ZHX2: variants seen among roughly 807,000 people sequenced by gnomAD.
ZHX2 encodes the protein zinc fingers and homeoboxes 2.
In ZHX2, 6 loss-of-function variants were observed where a neutral mutation model predicts 21.9. The observed-to-expected ratio is 0.27, with a 90% CI of 0.15 to 0.54. The LOEUF (loss-of-function observed/expected upper bound fraction) is 0.54. Ranked by LOEUF, ZHX2 falls within the 20% of genes least tolerant of loss-of-function variation. The pLI is 0.95. For synonymous variants in ZHX2, 434 were observed against 437.1 expected (o/e 0.99, Z 0.09); for missense variants, 908 against 1,090.7 (o/e 0.83, Z 2.36).
At chr8:122,787,470 AAG>A (rs1325330195) in intron 1 of ZHX2, among the ~76,000 whole-genome samples, 1 of 152,206 alleles carries the variant, frequency 6.6e-6, no homozygotes, top group East Asian at 1.9e-4. Context: ...ACTGTGGTGT[AAG>A]AGATTTGTGA....
At chr8:122,879,573 T>C (rs980651813) in intron 2 of ZHX2, among the ~76,000 whole-genome samples, 3 of 150,094 alleles carry the variant, frequency 2.0e-5, no homozygotes, top group African/African-American at 7.6e-5. Flanking sequence ...TATTTCATAC[T>C]TGATATCTTC....
intron 1 of ZHX2, chr8:122,812,025 T>A (rs1161024871): frequency 6.6e-6 from 1 of 152,096 alleles, no homozygotes; most frequent in African/African-American, 2.4e-5. Context: ...TCATGATAAG[T>A]AAGGAAATCA....
chr8:122,832,639 T>C (rs1024051297), intron 1 of ZHX2, among the ~76,000 whole-genome samples: 1 of 152,062 alleles, frequency 6.6e-6, no homozygotes, highest in African/African-American at 2.4e-5. Flanking sequence ...AGTATAACGG[T>C]TTGGCAAGTA....
At chr8:122,831,393 G>A (rs972580439) in intron 1 of ZHX2, among the ~76,000 whole-genome samples, 3 of 152,204 alleles carry the variant, frequency 2.0e-5, no homozygotes, top group Non-Finnish European at 2.9e-5. Flanking sequence ...GGGCGGAGAC[G>A]TTACAGGAGA....
rs539687930 is a variant in ZHX2, at chr8:122,782,809, C to G, written c.-283+863C>G. 2.0e-5 allele frequency among the ~76,000 whole-genome samples: 3 copies of G among 152,316 alleles called. No homozygotes were observed. In the South Asian group the frequency reaches 6.2e-4, roughly 32 times the overall value. ...TGGCCGGAGCCTCTGCCAGCCCGAG[C>G]CCACGTTCGCCCCCCTGAACGGCAG... On this transcript the variant is annotated intron_variant, in intron 1 of 3. Transcript: ENST00000314393. This position sits in a 1 kb window ranked among gnomAD's most constrained non-coding sequence, Gnocchi z 5.3.
chr8:122,834,399 G>A (rs114309848), intron 1 of ZHX2, among the ~76,000 whole-genome samples: 1,710 of 152,320 alleles, frequency 0.011, 24 homozygotes, highest in African/African-American at 0.038. Flanking sequence ...GGCCTGGTGC[G>A]CTTACCTGGG....
chr8:122,853,499 T>A (rs1167854267), intron 1 of ZHX2, among the ~76,000 whole-genome samples: 1 of 152,126 alleles, frequency 6.6e-6, no homozygotes, highest in Non-Finnish European at 1.5e-5. Flanking sequence ...TGTAAGACAA[T>A]GTCCAAATTC....
At chr8:122,909,178 C>G (rs961197367) in intron 2 of ZHX2, among the ~76,000 whole-genome samples, 1 of 152,118 alleles carries the variant, frequency 6.6e-6, no homozygotes, top group Non-Finnish European at 1.5e-5. Context: ...TGCCTGTAAT[C>G]CCAGCAGTTT....
intron 2 of ZHX2, among the ~76,000 whole-genome samples, chr8:122,890,307 A>G (rs1819946632): frequency 6.6e-6 from 1 of 152,100 alleles, no homozygotes; most frequent in Admixed American, 6.5e-5. Flanking sequence ...ATTCTGTTTC[A>G]TTGGTCTATA....
chr8:122,955,076 G>GT (rs1563605491), intron 3 of ZHX2, among the ~76,000 whole-genome samples: 2 of 95,594 alleles, frequency 2.1e-5, no homozygotes, highest in Non-Finnish European at 5.2e-5. Context: ...AGCCGGGGGG[G>GT]GGGGGGTGGC....
intron 1 of ZHX2, among the ~76,000 whole-genome samples, chr8:122,850,949 C>T (rs929851795): frequency 1.3e-5 from 2 of 152,130 alleles, no homozygotes; most frequent in Non-Finnish European, 2.9e-5. Context: ...ACCTGGGGCT[C>T]GCCCTGGGAC....
intron 1 of ZHX2, among the ~76,000 whole-genome samples, chr8:122,860,657 T>C (rs1819142522): frequency 1.3e-5 from 2 of 152,200 alleles, no homozygotes; most frequent in Admixed American, 6.5e-5. Context: ...AGAGAAAGTT[T>C]GAGGCAGCCG....
intron 1 of ZHX2, among the ~76,000 whole-genome samples, chr8:122,816,737 C>G (rs1818043882): frequency 3.3e-5 from 5 of 151,886 alleles, no homozygotes; most frequent in Admixed American, 3.3e-4. Context: ...AAGGTTTTTC[C>G]AATTATCATT....
At chr8:122,897,908 T>A (rs1820138416) in intron 2 of ZHX2, among the ~76,000 whole-genome samples, 1 of 152,170 alleles carries the variant, frequency 6.6e-6, no homozygotes, top group Non-Finnish European at 1.5e-5. Flanking sequence ...AGCCCACATT[T>A]TTGGCTTAGA....
intron 1 of ZHX2, among the ~76,000 whole-genome samples, chr8:122,787,093 G>GTGTGTGTGTA (rs1295290898): frequency 6.6e-6 from 1 of 151,074 alleles, no homozygotes; most frequent in African/African-American, 2.4e-5. Flanking sequence ...GCAGTGGTGT[G>GTGTGTGTGTA]TGTGTGTGTG....
At chr8:122,926,530 C>G (rs968480936) in intron 2 of ZHX2, among the ~76,000 whole-genome samples, 15 of 152,292 alleles carry the variant, frequency 9.8e-5, no homozygotes, top group Non-Finnish European at 1.2e-4. Flanking sequence ...CCAGATAGTT[C>G]CACGGCCCAT....
intron 3 of ZHX2, among the ~76,000 whole-genome samples, chr8:122,958,207 A>T (rs1217918597): frequency 6.6e-6 from 1 of 152,196 alleles, no homozygotes; most frequent in Non-Finnish European, 1.5e-5. Context: ...TTAGGACAGC[A>T]TTTGACTCAG....
intron 1 of ZHX2, among the ~76,000 whole-genome samples, chr8:122,830,030 G>A (rs1053868854): frequency 2.6e-5 from 4 of 152,208 alleles, no homozygotes; most frequent in Non-Finnish European, 5.9e-5. Flanking sequence ...TGGAGGCTGG[G>A]TAAAATGAGG....
chr8:122,815,784 T>TGTC (rs1203976301), intron 1 of ZHX2: 1 of 152,276 alleles, frequency 6.6e-6, no homozygotes, highest in African/African-American at 2.4e-5. Context: ...ACTTTGTTGT[T>TGTC]GTCTTATTTT....
Sources: gnomAD v4.1 joint callset for allele counts (sites outside exome capture counted in the v4.1 genomes callset) on GRCh38, gnomAD v4.1.1 for gene constraint, Gnocchi (gnomAD v3.1) non-coding constraint, MANE v1.5 for transcripts, NCBI Gene and HGNC (gene_info 2026-07-23, HGNC 2026-07-21) for gene names.